PDE1A: variants seen among roughly 807,000 people sequenced by gnomAD.
The protein encoded by PDE1A is dual specificity calcium/calmodulin-dependent 3',5'-cyclic nucleotide phosphodiesterase 1A.
Under a neutral mutation model 61.7 loss-of-function variants are expected in PDE1A, and 35 were observed. That is an observed-to-expected ratio of 0.57 (90% CI 0.43 to 0.75). PDE1A has a LOEUF of 0.75. Among genes scored for constraint, PDE1A ranks in the 30% least tolerant of loss-of-function variants. The pLI, the probability that PDE1A is intolerant of heterozygous loss-of-function variation, is 0.00. For missense variants in PDE1A, 597 were observed against 630.6 expected, an observed-to-expected ratio of 0.95 and a Z score of 0.57; for synonymous variants, 232 against 213.2, an observed-to-expected ratio of 1.09 and a Z score of -0.77.
intron 13 of PDE1A, among the ~76,000 whole-genome samples, chr2:182,174,067 G>A (rs1692499289): frequency 6.6e-6 from 1 of 152,020 alleles, no homozygotes; most frequent in African/African-American, 2.4e-5. Flanking sequence ...AGAGACCCGT[G>A]AGATAAAACT....
the PDE1A span, among the ~76,000 whole-genome samples, chr2:182,639,386 G>C: frequency 6.6e-6 from 1 of 152,070 alleles, no homozygotes; most frequent in Non-Finnish European, 1.5e-5. Flanking sequence ...TGGCCAATGT[G>C]GCGAAAACCC....
intron 1 of PDE1A, among the ~76,000 whole-genome samples, chr2:182,372,355 A>C (rs1700166581): frequency 6.6e-6 from 1 of 152,240 alleles, no homozygotes; most frequent in Admixed American, 6.5e-5. Context: ...GCATAAATTC[A>C]ATAACTGTTT....
intron 1 of PDE1A, among the ~76,000 whole-genome samples, chr2:182,375,066 C>T (rs1346184894): frequency 1.3e-5 from 2 of 152,200 alleles, no homozygotes; most frequent in Non-Finnish European, 2.9e-5. Flanking sequence ...AATTATCTTC[C>T]ACCAGGTCCC....
At chr2:182,626,836 TAC>T in the PDE1A span, among the ~76,000 whole-genome samples, 3 of 31,538 alleles carry the variant, frequency 9.5e-5, no homozygotes, top group South Asian at 1.3e-3. Flanking sequence ...CATATATATA[TAC>T]ATATATATAC....
At chr2:182,355,719 T>C (rs2125129859) in intron 1 of PDE1A, among the ~76,000 whole-genome samples, 1 of 152,252 alleles carries the variant, frequency 6.6e-6, no homozygotes. Context: ...AGGCTTTTAA[T>C]TAAGGTAGAG....
At chr2:182,153,298 G>A (rs1252380178) in intron 13 of PDE1A, among the ~76,000 whole-genome samples, 3 of 152,184 alleles carry the variant, frequency 2.0e-5, no homozygotes, top group Non-Finnish European at 4.4e-5. Flanking sequence ...GGTTGTATAT[G>A]TTTTGTTGGC....
At chr2:182,483,733 A>G (rs970690210) in intron 2 of PDE1A, among the ~76,000 whole-genome samples, 1 of 151,864 alleles carries the variant, frequency 6.6e-6, no homozygotes, top group African/African-American at 2.4e-5. Context: ...GAGCCTAGGA[A>G]AGAAAAGCCT....
the PDE1A span, among the ~76,000 whole-genome samples, chr2:182,610,002 C>T: frequency 2.0e-5 from 3 of 151,864 alleles, no homozygotes; most frequent in South Asian, 2.1e-4. Flanking sequence ...GTAGGAGAAT[C>T]GCTTGAACCC....
exon 6 of PDE1A, chr2:182,230,140 C>T: frequency 1.9e-6 from 3 of 1,611,360 alleles, no homozygotes; most frequent in Non-Finnish European, 2.5e-6. Flanking sequence ...AGGCAAGAAA[C>T]AGGAATCTGT....
At chr2:182,300,110 C>T (rs895218335) in intron 1 of PDE1A, among the ~76,000 whole-genome samples, 7 of 152,192 alleles carry the variant, frequency 4.6e-5, no homozygotes, top group African/African-American at 1.7e-4. Flanking sequence ...AAATCCAGCA[C>T]TAAGAAAGAA....
the PDE1A span, among the ~76,000 whole-genome samples, chr2:182,553,390 C>A: frequency 1.3e-5 from 2 of 152,174 alleles, no homozygotes; most frequent in African/African-American, 4.8e-5. Flanking sequence ...ACCACTACAA[C>A]GGCTGATATT....
intron 1 of PDE1A, chr2:182,522,579 C>T: frequency 7.3e-7 from 1 of 1,371,210 alleles, no homozygotes; most frequent in Non-Finnish European, 9.4e-7. Flanking sequence ...CACCTCACCA[C>T]CCCCCTAAGC....
rs576679677 is a variant in PDE1A at position 182,386,494 on chromosome 2, G to A, written c.53+40084C>T. Among the ~76,000 whole-genome samples the A allele has an allele frequency of 6.2e-3, 929 of 149,302 alleles. 4 individuals carry two copies. Among genetic ancestry groups the A allele is most frequent in the South Asian group, 0.017 (80 of 4,670 alleles). On this transcript the variant is annotated intron_variant, in intron 1 of 13. Transcript: ENST00000351439. ...ATGTGAGGAGCGCCTCTGCCCGGCC[G>A]CGACCCCATCTGGGAGGTGAGGAAC...
chr2:182,450,943 T>C lies in PDE1A; in HGVS notation c.101+71333A>G, dbSNP rs1685470668. The stretch of plus-strand genomic sequence containing the variant: ...TCACCATATACAAGTTCTTTCCTTC[T>C]GAGAAATCTAATTTACAAATAACTT... On this transcript the variant is annotated intron_variant, in intron 2 of 14. Coordinates refer to the PDE1A transcript ENST00000410103. 2.0e-5 allele frequency among the ~76,000 whole-genome samples: 3 copies of C among 152,168 alleles called. No homozygotes were observed. In the South Asian group the frequency reaches 6.2e-4, roughly 32 times the overall value.
the PDE1A span, among the ~76,000 whole-genome samples, chr2:182,584,065 T>C: frequency 6.6e-6 from 1 of 152,330 alleles, no homozygotes; most frequent in Non-Finnish European, 1.5e-5. Flanking sequence ...ATTCTCTTAT[T>C]AGTTAAAAAG....
chr2:182,658,073 C>CAAAAAAAAAAAAAA, the PDE1A span, among the ~76,000 whole-genome samples: 1 of 119,568 alleles, frequency 8.4e-6, no homozygotes, highest in African/African-American at 3.4e-5. Flanking sequence ...AAAAAAAAAA[C>CAAAAAAAAAAAAAA]AAAAAAACTT....
intron 13 of PDE1A, among the ~76,000 whole-genome samples, chr2:182,184,910 G>C (rs1227108053): frequency 1.3e-5 from 2 of 152,028 alleles, no homozygotes; most frequent in Non-Finnish European, 2.9e-5. Context: ...ATACCATATA[G>C]ATTTTAGGAT....
chr2:182,172,532 G>A (rs527807342), intron 13 of PDE1A, among the ~76,000 whole-genome samples: 84 of 152,072 alleles, frequency 5.5e-4, no homozygotes, highest in African/African-American at 1.9e-3. Flanking sequence ...CCAGAACCTC[G>A]ATAAGGCATG....
At chr2:182,187,967 A>T (rs1685366886) in intron 11 of PDE1A, among the ~76,000 whole-genome samples, 1 of 151,576 alleles carries the variant, frequency 6.6e-6, no homozygotes, top group Admixed American at 6.6e-5. Context: ...GATGGTCTTG[A>T]TCTCCTGACC....
Sources: gnomAD v4.1 joint callset for allele counts (sites outside exome capture counted in the v4.1 genomes callset) on GRCh38, gnomAD v4.1.1 for gene constraint, MANE v1.5 for transcripts, NCBI Gene and HGNC (gene_info 2026-07-23, HGNC 2026-07-21) for gene names.